Variants in SGIP1 observed in about 807,000 individuals in gnomAD.
The protein encoded by SGIP1 is SH3-containing GRB2-like protein 3-interacting protein 1.
A neutral mutation model predicts 107.5 loss-of-function variants in SGIP1; 38 were observed. That is an observed-to-expected ratio of 0.35 (90% CI 0.27 to 0.46). The LOEUF is 0.46. Among genes scored for constraint, SGIP1 ranks in the 20% least tolerant of loss-of-function variants. The probability of loss-of-function intolerance (pLI) is 1.00; values close to 1 mark genes in which losing one functional copy is unlikely to be tolerated. For missense variants in SGIP1, 929 were observed against 1,019.5 expected (o/e 0.91, Z 1.21); for synonymous variants, 365 against 366.1 (o/e 1.00, Z 0.03).
chr1:66,589,973 T>G (rs2063358191), intron 1 of SGIP1, among the ~76,000 whole-genome samples: 1 of 151,822 alleles, frequency 6.6e-6, no homozygotes, highest in East Asian at 1.9e-4. Flanking sequence ...TCTCTCTTTG[T>G]TCCCTGTGTG....
At chr1:66,600,219 T>A (rs146607060) in intron 1 of SGIP1, among the ~76,000 whole-genome samples, 1 of 152,316 alleles carries the variant, frequency 6.6e-6, no homozygotes, top group Admixed American at 6.5e-5. Flanking sequence ...TTAAAGAAAA[T>A]TCATTACCGA....
At chr1:66,702,666 G>C (rs1034960513) in intron 18 of SGIP1, among the ~76,000 whole-genome samples, 2 of 152,104 alleles carry the variant, frequency 1.3e-5, no homozygotes, top group African/African-American at 4.8e-5. Flanking sequence ...GGTGTCTGGT[G>C]GTGACTATAC....
upstream of SGIP1, chr1:66,534,082 G>A: frequency 1.8e-6 from 1 of 561,198 alleles, no homozygotes. Context: ...GTCCAAAGCT[G>A]AAGGGATTGG....
At chr1:66,730,862 T>C (rs2093977568) in intron 20 of SGIP1, among the ~76,000 whole-genome samples, 1 of 152,106 alleles carries the variant, frequency 6.6e-6, no homozygotes, top group South Asian at 2.1e-4. Context: ...CTGCCTCGAA[T>C]ACTGTTTCAA....
At chr1:66,710,778 C>T (rs1009047871) in intron 18 of SGIP1, among the ~76,000 whole-genome samples, 3 of 152,064 alleles carry the variant, frequency 2.0e-5, no homozygotes, top group African/African-American at 7.2e-5. Context: ...CTTTTCATCA[C>T]ACCTAAAGTC....
intron 18 of SGIP1, among the ~76,000 whole-genome samples, chr1:66,716,557 T>A (rs989843184): frequency 2.3e-4 from 35 of 152,214 alleles, no homozygotes; most frequent in African/African-American, 7.9e-4. Context: ...AAGACAATAC[T>A]TACTTCATAC....
intron 18 of SGIP1, among the ~76,000 whole-genome samples, chr1:66,714,568 G>T: frequency 6.6e-6 from 1 of 152,078 alleles, no homozygotes; most frequent in Non-Finnish European, 1.5e-5. Context: ...CTCCAGTGAG[G>T]TTATGCTGTT....
chr1:66,705,975 CAT>C (rs2092467646), intron 18 of SGIP1, among the ~76,000 whole-genome samples: 1 of 152,000 alleles, frequency 6.6e-6, no homozygotes, highest in Admixed American at 6.6e-5. Context: ...CACCATGGCA[CAT>C]GTTTACCTAT....
intron 1 of SGIP1, among the ~76,000 whole-genome samples, chr1:66,541,015 C>T (rs1222758364): frequency 6.6e-6 from 1 of 152,184 alleles, no homozygotes; most frequent in Non-Finnish European, 1.5e-5. Context: ...TATATTCATC[C>T]CTGACACACA....
At chr1:66,604,305 C>T (rs7535237) in intron 1 of SGIP1, among the ~76,000 whole-genome samples, 7,670 of 152,140 alleles carry the variant, frequency 0.05, 588 homozygotes, top group African/African-American at 0.16. Flanking sequence ...CAAGAAACCA[C>T]TAGAATGCAC....
chr1:66,543,991 A>G (rs973468405), intron 1 of SGIP1, among the ~76,000 whole-genome samples: 1 of 152,146 alleles, frequency 6.6e-6, no homozygotes, highest in Non-Finnish European at 1.5e-5. Flanking sequence ...CTAATAATAA[A>G]ATAGAACAGT....
At chr1:66,541,792 T>C (rs1426609030) in intron 1 of SGIP1, among the ~76,000 whole-genome samples, 1 of 152,210 alleles carries the variant, frequency 6.6e-6, no homozygotes, top group Non-Finnish European at 1.5e-5. Flanking sequence ...CATTTGCACA[T>C]GCTTAAAAGT....
intron 1 of SGIP1, among the ~76,000 whole-genome samples, chr1:66,567,331 T>C (rs540609012): frequency 2.2e-4 from 34 of 152,268 alleles, no homozygotes; most frequent in African/African-American, 7.9e-4. Context: ...GTTCATATCC[T>C]TTGCCCACTT....
chr1:66,659,795 A>G lies in SGIP1; in HGVS notation c.460-718A>G, dbSNP rs1298809362. ...GACTGTTGTACATGCCTGTAGTCCT[A>G]GCTACATGGGAGGCTGAGGTGGGAG... is the stretch of plus-strand genomic sequence containing the variant. On this transcript the variant is annotated intron_variant, in intron 7 of 24. Transcript: ENST00000371037. Among the ~76,000 whole-genome samples, 6 of 151,426 alleles carry G rather than the reference A, an allele frequency of 4.0e-5. No individual in the cohort carries two copies. The East Asian group carries it at 1.2e-3, about 30-fold the overall frequency.
At chr1:66,643,967 C>A in intron 7 of SGIP1, 1 of 275,740 alleles carries the variant, frequency 3.6e-6, no homozygotes. Context: ...ACTTATTTTC[C>A]TGCAAGCATT....
intron 7 of SGIP1, 75 bp from the exon 8 acceptor site, chr1:66,660,438 C>A: frequency 7.1e-7 from 1 of 1,399,732 alleles, no homozygotes; most frequent in Non-Finnish European, 1.0e-6. Flanking sequence ...TGAACCTTGA[C>A]CTGTTTCTTC....
chr1:66,682,868 C>A (rs528197530), intron 15 of SGIP1, among the ~76,000 whole-genome samples: 1 of 151,260 alleles, frequency 6.6e-6, no homozygotes, highest in Admixed American at 6.6e-5. Flanking sequence ...GGAAGAACCA[C>A]GTTAACCCCT....
chr1:66,731,491 T>A (rs1352392191), intron 20 of SGIP1, among the ~76,000 whole-genome samples: 1 of 152,010 alleles, frequency 6.6e-6, no homozygotes, highest in Non-Finnish European at 1.5e-5. Context: ...TGGTTTTGCT[T>A]AACAAAATAT....
intron 19 of SGIP1, among the ~76,000 whole-genome samples, chr1:66,725,881 G>A (rs533205762): frequency 9.2e-5 from 14 of 152,282 alleles, no homozygotes; most frequent in African/African-American, 3.1e-4. Flanking sequence ...AAGGTTGATG[G>A]GTGCTGCCGC....
Sources: gnomAD v4.1 joint callset for allele counts (sites outside exome capture counted in the v4.1 genomes callset) on GRCh38, gnomAD v4.1.1 for gene constraint, MANE v1.5 for transcripts, NCBI Gene and HGNC (gene_info 2026-07-23, HGNC 2026-07-21) for gene names.